The following ZNF814 variants were observed in gnomAD, a reference collection of about 807,000 sequenced individuals.
ZNF814 encodes the protein zinc finger protein 814.
In ZNF814, 5 loss-of-function variants were observed where a neutral mutation model predicts 7.5. That is an observed-to-expected ratio of 0.67 (90% confidence interval 0.35 to 1.40). The LOEUF (loss-of-function observed/expected upper bound fraction) is 1.40. ZNF814 is among the 40% of genes most tolerant of loss of function. ZNF814 has a pLI of 0.04. For missense variants in ZNF814, 962 were observed against 1,018.0 expected (o/e 0.94, Z 0.75); for synonymous variants, 315 against 340.7 (o/e 0.92, Z 0.83).
intron 1 of ZNF814, 81 bp downstream of exon 1, chr19:57,888,686 G>A (rs1418418357): frequency 1.3e-6 from 2 of 1,521,772 alleles, no homozygotes; most frequent in African/African-American, 1.4e-5. Context: ...CCGGGCTGCA[G>A]AGCCGTGAAC....
chr19:57,889,524 C>T (rs1267324292), upstream of ZNF814, among the ~76,000 whole-genome samples: 2 of 152,120 alleles, frequency 1.3e-5, no homozygotes, highest in Non-Finnish European at 2.9e-5. Flanking sequence ...GAGATCGTAC[C>T]ACTGCATTCC....
chr19:57,885,651 C>CA (rs2071685469), intron 1 of ZNF814, among the ~76,000 whole-genome samples: 6 of 139,680 alleles, frequency 4.3e-5, no homozygotes, highest in Non-Finnish European at 7.8e-5. Context: ...AAACAAAAAA[C>CA]AAAGAATAAG....
chr19:57,898,869 G>C, the ZNF814 span, among the ~76,000 whole-genome samples: 1 of 151,756 alleles, frequency 6.6e-6, no homozygotes, highest in Admixed American at 6.6e-5. Context: ...GAACCAGGGA[G>C]GCGGAGCTTA....
At chr19:57,895,270 CT>C in the ZNF814 span, among the ~76,000 whole-genome samples, 1 of 150,858 alleles carries the variant, frequency 6.6e-6, no homozygotes, top group African/African-American at 2.4e-5. Flanking sequence ...CTTTTCTTTT[CT>C]TTTCTTTCTT....
chr19:57,888,483 T>A (rs2071711461), intron 1 of ZNF814, among the ~76,000 whole-genome samples: 1 of 152,132 alleles, frequency 6.6e-6, no homozygotes, highest in African/African-American at 2.4e-5. Context: ...TGCTTGCTCT[T>A]CCAGGAGGAG....
upstream of ZNF814, among the ~76,000 whole-genome samples, chr19:57,893,862 G>A (rs915344280): frequency 6.6e-6 from 1 of 151,486 alleles, no homozygotes; most frequent in Non-Finnish European, 1.5e-5. Context: ...GGAGATTGTA[G>A]TGAGCTGAGA....
At chr19:57,891,256 T>C (rs888903311), upstream of ZNF814, among the ~76,000 whole-genome samples, 1 of 152,180 alleles carries the variant, frequency 6.6e-6, no homozygotes, top group South Asian at 2.1e-4. Context: ...CCAGGCGCGG[T>C]GGCTCACGCC....
chr19:57,890,156 A>G (rs1415683211), upstream of ZNF814, among the ~76,000 whole-genome samples: 1 of 152,268 alleles, frequency 6.6e-6, no homozygotes, highest in Non-Finnish European at 1.5e-5. Flanking sequence ...GTATTGTTAA[A>G]ATGAACGTGT....
Position 57,871,349 on chromosome 19 carries a change from C to A in ZNF814, c.*1473G>T, listed in dbSNP as rs2071555699. On this transcript the variant is annotated 3_prime_UTR_variant, in exon 3 of 3. Transcript: ENST00000435989. The stretch of plus-strand genomic sequence containing the variant: ...AAGCCCTGAAGGTCTTCTCTGGAGG[C>A]CTCTGGCAGCTATGCAAAGCAGTCC... 6.6e-6 allele frequency: 1 copy of A among 152,178 alleles called. No homozygotes were observed. Among genetic ancestry groups the A allele is most frequent in the African/African-American group, 2.4e-5 (1 of 41,438 alleles). 9.4% of individuals were successfully genotyped at this position (152,178 alleles called of 1,614,324 possible).
intron 1 of ZNF814, among the ~76,000 whole-genome samples, chr19:57,880,536 C>T (rs1458984613): frequency 5.3e-5 from 8 of 150,310 alleles, no homozygotes; most frequent in South Asian, 2.1e-4. Context: ...GGACTGAGCT[C>T]GAGAGGTGCA....
chr19:57,873,255 C>T lies in ZNF814; in HGVS notation c.2135G>A (p.Gly712Glu). 2 of 1,603,342 alleles carry T rather than the reference C, an allele frequency of 1.2e-6. No homozygotes were observed. Among genetic ancestry groups the T allele is most frequent in the Admixed American group, 1.7e-5 (1 of 57,880 alleles). ...AGCTTCACAAGCATATGGCTTTTCT[C>T]CATTGTGAATTCTCTGGTGTACAAG... ...HLLVHQRIHN[G>E]EKPYACEACQ... Residue 712 changes from glycine (G) to glutamate (E), a missense_variant, in exon 3 of 3, where the codon GGA becomes GAA. Transcript: ENST00000435989.
chr19:57,898,442 G>A, the ZNF814 span, among the ~76,000 whole-genome samples: 1 of 152,180 alleles, frequency 6.6e-6, no homozygotes, highest in African/African-American at 2.4e-5. Context: ...AGATCGAACC[G>A]CATTAGGGTA....
At position 57,873,162 on chromosome 19, in the gene ZNF814, G is replaced by A. The variant is rs764203257; in HGVS notation, c.2228C>T (p.Pro743Leu). The change falls in exon 3 of 3, where the codon CCT becomes CTT. Residue 743 changes from proline to leucine, a missense_variant. By Grantham distance (98) the Pro-to-Leu change is moderately conservative. Around this residue, in one of 7 missense-constraint regions of ZNF814, gnomAD observed 665 missense variants for 551.4 expected, o/e 1.21. Transcript: ENST00000435989. The stretch of plus-strand genomic sequence containing the variant: ...TTTTCCACAATCATTGCATTCATAA[G>A]GCCTTTCTCCAGTGTGAACTCTCTG... ...AHQRVHTGER[P>L]YECNDCGKSF... 6.2e-7 allele frequency: 1 copy of A among 1,613,768 alleles called. No homozygotes were observed. The highest frequency in any genetic ancestry group is 8.5e-7 in the Non-Finnish European group (1 of 1,179,924).
chr19:57,896,798 T>A, the ZNF814 span, among the ~76,000 whole-genome samples: 1 of 152,208 alleles, frequency 6.6e-6, no homozygotes. The surrounding 1 kb of genome is among the most constrained non-coding windows in gnomAD (Gnocchi z 4.2). Flanking sequence ...TGGGATACTT[T>A]AACAAAATCT....
chr19:57,879,131 A>G (rs555625640), intron 1 of ZNF814, among the ~76,000 whole-genome samples: 1 of 146,596 alleles, frequency 6.8e-6, no homozygotes, highest in East Asian at 2.0e-4. Flanking sequence ...AACCGATCCA[A>G]TATTACCACA....
Position 57,873,237 on chromosome 19 carries a change from C to T in ZNF814, c.2153G>A (p.Cys718Tyr), listed in dbSNP as rs375547310. Reference sequence around the variant, plus strand: ...TCTAAAAAATTTCTGACAAGCTTCACAAGCATATGGCTTTTCTCCATTGTG... The same window carrying T: ...TCTAAAAAATTTCTGACAAGCTTCATAAGCATATGGCTTTTCTCCATTGTG... ...RIHNGEKPYA[C>Y]EACQKFFRNK... Residue 718 changes from cysteine (C) to tyrosine (Y), a missense_variant, in exon 3 of 3, where the codon TGT becomes TAT. Coordinates refer to ENST00000435989, the MANE Select transcript of ZNF814 (RefSeq NM_001144989.2). 29 of 1,607,376 alleles carry T rather than the reference C, an allele frequency of 1.8e-5. No homozygotes were observed. The African/African-American group carries it at 2.7e-4, about 15-fold the overall frequency.
At chr19:57,893,435 A>G (rs1235362617), upstream of ZNF814, among the ~76,000 whole-genome samples, 2 of 151,700 alleles carry the variant, frequency 1.3e-5, no homozygotes, top group African/African-American at 4.8e-5. Context: ...GGGCCCCCCA[A>G]AGTGCTGGAA....
At chr19:57,876,878 G>A in intron 2 of ZNF814, 38 bp downstream of exon 2, 1 of 1,612,190 alleles carries the variant, frequency 6.2e-7, no homozygotes, top group East Asian at 2.2e-5. Context: ...GGAAAACAGA[G>A]ACTAGCTCAG....
chr19:57,871,519 T>C lies in ZNF814; in HGVS notation c.*1303A>G, dbSNP rs760119481. The C allele has an allele frequency of 1.1e-4, 16 of 152,012 alleles. No homozygotes were observed. The highest frequency in any genetic ancestry group is 2.1e-4 in the South Asian group (1 of 4,822). 9.4% of individuals were successfully genotyped at this position (152,012 alleles called of 1,614,324 possible). ...CATACAGTGACAACAACCCTCAAGA[T>C]TGAAGAAGGCTGAAACAATAAGGCC... On this transcript the variant is annotated 3_prime_UTR_variant, in exon 3 of 3. Transcript: ENST00000435989.
Sources: gnomAD v4.1 joint callset for allele counts (sites outside exome capture counted in the v4.1 genomes callset) on GRCh38, gnomAD v4.1.1 for gene constraint, gnomAD v4.1.1 regional missense constraint, Gnocchi (gnomAD v3.1) non-coding constraint, MANE v1.5 for transcripts, NCBI Gene and HGNC (gene_info 2026-07-23, HGNC 2026-07-21) for gene names.